Variants in COL27A1 observed in about 807,000 individuals in gnomAD.
COL27A1 encodes collagen type XXVII alpha 1 chain.
COL27A1 carries 106 observed loss-of-function variants against 251.3 expected under a neutral mutation model. The observed-to-expected ratio is 0.42, with a 90% CI of 0.36 to 0.50. COL27A1 has a LOEUF of 0.50. COL27A1 is among the 20% of genes least tolerant of loss of function. COL27A1 has a pLI of 0.00. For synonymous variants in COL27A1, 1,000 were observed against 986.3 expected (o/e 1.01, Z -0.26); for missense variants, 2,325 against 2,522.8 (o/e 0.92, Z 1.68).
chr9:114,309,600 T>C (rs866116909), intron 60 of COL27A1, 122 bp downstream of exon 60: 21 of 710,118 alleles, frequency 3.0e-5, no homozygotes, highest in African/African-American at 2.3e-4. Context: ...TATATTAATG[T>C]GATAGATATG....
chr9:114,167,738 C>G lies in COL27A1; in HGVS notation c.183C>G (p.Ser61Arg). 6.2e-7 allele frequency: 1 copy of G among 1,613,768 alleles called. No individual in the cohort carries two copies. Among genetic ancestry groups the G allele is most frequent in the Admixed American group, 1.7e-5 (1 of 60,026 alleles). ...RLGLSWTKAG[S>R]PAPPGVIPFQ... is the part of the protein sequence containing the mutation. ...GCCTCAGCTGGACGAAGGCCGGGAG[C>G]CCTGCACCCCCGGGAGTCATTCCTT... The change falls in exon 3 of 61, where the codon AGC (serine) becomes AGG (arginine). Residue 61 changes from serine (S) to arginine (R), a missense_variant. Ser to Arg is a moderately radical substitution (Grantham distance 110). Coordinates refer to ENST00000356083, the MANE Select transcript of COL27A1 (RefSeq NM_032888.4).
chr9:114,171,996 A>G (rs1467417441), intron 3 of COL27A1, among the ~76,000 whole-genome samples: 2 of 152,124 alleles, frequency 1.3e-5, no homozygotes, highest in Non-Finnish European at 2.9e-5. Flanking sequence ...ACTTCTGGCC[A>G]GGGCTGAGGC....
At chr9:114,231,179 A>C in intron 15 of COL27A1, 47 bp downstream of exon 15, 1 of 1,561,694 alleles carries the variant, frequency 6.4e-7, no homozygotes, top group African/African-American at 1.4e-5. Flanking sequence ...CAAGCTGGGC[A>C]CCCCCGACCC....
chr9:114,175,340 C>T (rs1367477730), intron 3 of COL27A1, among the ~76,000 whole-genome samples: 3 of 152,354 alleles, frequency 2.0e-5, no homozygotes, highest in East Asian at 1.9e-4. Context: ...CAGAGTCACC[C>T]GCTCAGGCTT....
intron 7 of COL27A1, among the ~76,000 whole-genome samples, chr9:114,198,466 C>T (rs543832449): frequency 6.6e-6 from 1 of 152,320 alleles, no homozygotes; most frequent in East Asian, 1.9e-4. Context: ...TCTGGCTCAG[C>T]TGGTCTGAGT....
chr9:114,263,167 G>A (rs1204337592), intron 28 of COL27A1, among the ~76,000 whole-genome samples: 1 of 152,098 alleles, frequency 6.6e-6, no homozygotes, highest in African/African-American at 2.4e-5. Flanking sequence ...TTGAACTCCT[G>A]ACCTCATGAT....
intron 7 of COL27A1, among the ~76,000 whole-genome samples, chr9:114,204,372 A>G (rs1829793678): frequency 6.6e-6 from 1 of 152,190 alleles, no homozygotes; most frequent in Admixed American, 6.5e-5. Context: ...TACTCTTATG[A>G]AATGGCTCAG....
At position 114,265,413 on chromosome 9, in the gene COL27A1, T is replaced by C. The variant is rs754576206; in HGVS notation, c.3340-9T>C. Reference sequence around the variant, plus strand: ...AGGGCCTAAGGTCACCTTTACCTTGTCTCTGCAGGGCATCCCGGGTCCCTC... The same window carrying C: ...AGGGCCTAAGGTCACCTTTACCTTGCCTCTGCAGGGCATCCCGGGTCCCTC... On this transcript the variant is annotated splice_polypyrimidine_tract_variant and intron_variant, in intron 31 of 60. Transcript: ENST00000356083. 2 of 1,613,532 alleles carry C rather than the reference T, an allele frequency of 1.2e-6. No individual in the cohort carries two copies. The highest frequency in any genetic ancestry group is 2.2e-5 in the South Asian group (2 of 91,054).
chr9:114,161,754 G>A (rs1351752570), intron 1 of COL27A1, among the ~76,000 whole-genome samples: 4 of 152,196 alleles, frequency 2.6e-5, no homozygotes, highest in African/African-American at 9.7e-5. Flanking sequence ...AGGTGGCTTC[G>A]GGTGTCACTG....
chr9:114,205,003 T>C, intron 7 of COL27A1, 99 bp from the exon 8 acceptor site: 1 of 1,110,422 alleles, frequency 9.0e-7, no homozygotes, highest in East Asian at 2.4e-5. Flanking sequence ...ATGCAGTACA[T>C]ACGGTGCTGA....
At chr9:114,182,045 A>C (rs1827960229) in intron 4 of COL27A1, among the ~76,000 whole-genome samples, 1 of 152,008 alleles carries the variant, frequency 6.6e-6, no homozygotes, top group African/African-American at 2.4e-5. Flanking sequence ...ACTCATACAA[A>C]AGTCCAGTTG....
intron 37 of COL27A1, among the ~76,000 whole-genome samples, chr9:114,279,751 G>A (rs1429825830): frequency 6.6e-6 from 1 of 152,124 alleles, no homozygotes; most frequent in Non-Finnish European, 1.5e-5. Flanking sequence ...TACTCGGGAG[G>A]CTGAGGTGGG....
At chr9:114,161,955 G>C (rs80200998) in intron 1 of COL27A1, among the ~76,000 whole-genome samples, 1 of 152,194 alleles carries the variant, frequency 6.6e-6, no homozygotes, top group African/African-American at 2.4e-5. Flanking sequence ...CCTCATGCCC[G>C]GCCTGTGAGA....
At chr9:114,227,425 C>G (rs1371067932) in intron 14 of COL27A1, among the ~76,000 whole-genome samples, 3 of 151,810 alleles carry the variant, frequency 2.0e-5, no homozygotes, top group Non-Finnish European at 2.9e-5. Flanking sequence ...TGCCTCTGCC[C>G]CCTGTTTATT....
intron 41 of COL27A1, among the ~76,000 whole-genome samples, chr9:114,288,199 C>G (rs1310262979): frequency 6.6e-6 from 1 of 152,184 alleles, no homozygotes; most frequent in Non-Finnish European, 1.5e-5. Context: ...GCTGTCTGAG[C>G]TCCCTGACTT....
chr9:114,304,039 C>T (rs1269432022), intron 56 of COL27A1, among the ~76,000 whole-genome samples: 1 of 152,244 alleles, frequency 6.6e-6, no homozygotes, highest in Non-Finnish European at 1.5e-5. Flanking sequence ...GGATGTTTAG[C>T]AGAATTCCTG....
intron 1 of COL27A1, among the ~76,000 whole-genome samples, chr9:114,158,426 G>A (rs1848268071): frequency 6.6e-6 from 1 of 152,234 alleles, no homozygotes; most frequent in Admixed American, 6.5e-5. Flanking sequence ...CCTTTTGCAA[G>A]GGCATAGAAA....
intron 37 of COL27A1, among the ~76,000 whole-genome samples, chr9:114,279,013 A>G (rs2636880): frequency 0.8 from 122,091 of 152,102 alleles, 49,263 homozygotes; most frequent in East Asian, 1. Flanking sequence ...AGCAAGTGGC[A>G]CCCTGTCCCA....
At chr9:114,257,443 C>T (rs1834001362) in intron 27 of COL27A1, among the ~76,000 whole-genome samples, 1 of 152,160 alleles carries the variant, frequency 6.6e-6, no homozygotes, top group Non-Finnish European at 1.5e-5. Context: ...CCACCCTCTG[C>T]CCTCTTCAGT....
Sources: gnomAD v4.1 joint callset for allele counts (sites outside exome capture counted in the v4.1 genomes callset) on GRCh38, gnomAD v4.1.1 for gene constraint, MANE v1.5 for transcripts, NCBI Gene and HGNC (gene_info 2026-07-23, HGNC 2026-07-21) for gene names.